ERAP1: variants seen among roughly 807,000 people sequenced by gnomAD.
ERAP1 encodes the protein endoplasmic reticulum aminopeptidase 1.
Under a neutral mutation model 103.7 loss-of-function variants are expected in ERAP1, and 86 were observed. That is an observed-to-expected ratio of 0.83 (90% CI 0.70 to 0.99). The LOEUF (loss-of-function observed/expected upper bound fraction) is 0.99. Ranked by LOEUF, ERAP1 falls within the 50% of genes least tolerant of loss-of-function variation. ERAP1 has a pLI of 0.00. For missense variants in ERAP1, 1,009 were observed against 1,128.4 expected, an observed-to-expected ratio of 0.89 and a Z score of 1.52; for synonymous variants, 398 against 402.4, an observed-to-expected ratio of 0.99 and a Z score of 0.13.
At chr5:96,900,206 TCA>T in the ERAP1 span, 1 of 1,613,088 alleles carries the variant, frequency 6.2e-7, no homozygotes, top group East Asian at 2.2e-5. Context: ...ATAAAGAGAG[TCA>T]CAGAGTAGAA....
At chr5:96,779,656 G>C (rs1774868095) in intron 18 of ERAP1, 1 of 153,486 alleles carries the variant, frequency 6.5e-6, no homozygotes, top group South Asian at 2.1e-4. Flanking sequence ...TGTAAAATTT[G>C]TTCCACAACT....
the ERAP1 span, among the ~76,000 whole-genome samples, chr5:96,817,124 A>T: frequency 6.6e-6 from 1 of 152,204 alleles, no homozygotes; most frequent in African/African-American, 2.4e-5. Flanking sequence ...TGGTAACCTA[A>T]AGACTTGGGG....
At chr5:96,935,325 G>C in the ERAP1 span, 1 of 152,266 alleles carries the variant, frequency 6.6e-6, no homozygotes, top group Admixed American at 6.5e-5. Flanking sequence ...GGACCCCAGG[G>C]CGCCCTCGGC....
At chr5:96,882,293 A>G in the ERAP1 span, among the ~76,000 whole-genome samples, 10 of 152,180 alleles carry the variant, frequency 6.6e-5, no homozygotes, top group Non-Finnish European at 1.5e-4. Context: ...TAGGGATACT[A>G]TTCTGGGAGC....
rs148124787 is a variant in ERAP1 at position 96,790,566 on chromosome 5, C to T, written c.1398G>A (p.Gln466=). 2.1e-4 allele frequency: 336 copies of T among 1,613,560 alleles called. No homozygotes were observed. Among genetic ancestry groups the T allele is most frequent in the Non-Finnish European group, 2.7e-4 (323 of 1,179,608 alleles). The change falls in exon 9 of 19, where the codon CAG becomes CAA. Residue 466 remains glutamine, a synonymous_variant. Coordinates refer to ENST00000443439, the MANE Select transcript of ERAP1 (RefSeq NM_001040458.3). ...AFKSGIVQYL[Q]KHSYKNTKNE... ...TTTTTGTATTTTTATAGCTATGCTT[C>T]TGGAGATACTGTACAATACCACTTT...
At chr5:96,842,959 T>C in the ERAP1 span, among the ~76,000 whole-genome samples, 1 of 152,184 alleles carries the variant, frequency 6.6e-6, no homozygotes, top group Non-Finnish European at 1.5e-5. Context: ...GAATTTTGTA[T>C]AAGGCGAGGG....
At chr5:96,889,231 C>CTTT in the ERAP1 span, 6 of 1,614,040 alleles carry the variant, frequency 3.7e-6, no homozygotes, top group Non-Finnish European at 5.1e-6. Flanking sequence ...ACACATTATG[C>CTTT]TTTGCAGGCA....
At chr5:96,922,176 T>C in the ERAP1 span, among the ~76,000 whole-genome samples, 7 of 152,254 alleles carry the variant, frequency 4.6e-5, no homozygotes, top group South Asian at 6.2e-4. Context: ...CAGGCTCTTG[T>C]AGTCCCAGCT....
the ERAP1 span, among the ~76,000 whole-genome samples, chr5:96,911,972 G>A: frequency 5.3e-5 from 8 of 150,990 alleles, no homozygotes; most frequent in East Asian, 9.8e-4. Flanking sequence ...GGCGGATCAC[G>A]AGGTCAGGAA....
At chr5:96,924,217 T>C in the ERAP1 span, among the ~76,000 whole-genome samples, 2 of 152,206 alleles carry the variant, frequency 1.3e-5, no homozygotes, top group Non-Finnish European at 2.9e-5. Flanking sequence ...GTATGTGCCA[T>C]AAAAGTGAAG....
intron 18 of ERAP1, among the ~76,000 whole-genome samples, chr5:96,778,540 G>A (rs1234603666): frequency 6.6e-6 from 1 of 152,160 alleles, no homozygotes; most frequent in Non-Finnish European, 1.5e-5. Flanking sequence ...AGTAAGCCAG[G>A]AGCGCCTGTG....
At chr5:96,833,898 G>T in the ERAP1 span, among the ~76,000 whole-genome samples, 3 of 151,678 alleles carry the variant, frequency 2.0e-5, no homozygotes, top group African/African-American at 7.3e-5. Flanking sequence ...TCCTGTCCAC[G>T]TATCTTTGTC....
At chr5:96,827,643 T>A in the ERAP1 span, among the ~76,000 whole-genome samples, 1 of 151,598 alleles carries the variant, frequency 6.6e-6, no homozygotes, top group Non-Finnish European at 1.5e-5. Context: ...CCAGCCTGGG[T>A]GACAGAGTGA....
the ERAP1 span, among the ~76,000 whole-genome samples, chr5:96,828,012 A>G: frequency 3.9e-5 from 6 of 152,238 alleles, no homozygotes; most frequent in Admixed American, 3.9e-4. Flanking sequence ...ATTTAAAGCT[A>G]TTGTGATAAA....
chr5:96,842,212 C>T, the ERAP1 span, among the ~76,000 whole-genome samples: 12 of 152,146 alleles, frequency 7.9e-5, no homozygotes, highest in East Asian at 1.5e-3. Context: ...AGGCTGGTTC[C>T]GTATTTTTTC....
chr5:96,896,523 A>G, the ERAP1 span: 2 of 1,598,926 alleles, frequency 1.3e-6, no homozygotes, highest in Non-Finnish European at 1.7e-6. Context: ...TATCAGGTGC[A>G]GGTGGAAGCT....
At chr5:96,899,200 G>C in the ERAP1 span, among the ~76,000 whole-genome samples, 5 of 150,116 alleles carry the variant, frequency 3.3e-5, no homozygotes, top group African/African-American at 1.2e-4. Context: ...AAGTCACCAA[G>C]TCAGTGAGAA....
chr5:96,887,347 C>T, the ERAP1 span, among the ~76,000 whole-genome samples: 1 of 147,520 alleles, frequency 6.8e-6, no homozygotes, highest in African/African-American at 2.5e-5. Context: ...GTTGGCCAGG[C>T]TGGAGTGCAA....
the ERAP1 span, among the ~76,000 whole-genome samples, chr5:96,838,054 G>C: frequency 3.3e-5 from 5 of 152,160 alleles, no homozygotes; most frequent in African/African-American, 1.2e-4. Context: ...GCACAGGGAT[G>C]GGGGGTGGGG....
Sources: allele counts gnomAD v4.1 joint callset (sites outside exome capture counted in the v4.1 genomes callset), GRCh38; gene constraint gnomAD v4.1.1; transcripts MANE v1.5; gene names NCBI Gene and HGNC (gene_info 2026-07-23, HGNC 2026-07-21).